The following ADGRG1 variants were observed in gnomAD, a reference collection of about 807,000 sequenced individuals.
ADGRG1 encodes the protein 7-transmembrane protein with no EGF-like N-terminal domains-1.
ADGRG1 carries 53 observed loss-of-function variants against 73.5 expected under a neutral mutation model. The observed-to-expected ratio is 0.72, with a 90% CI of 0.58 to 0.91. The LOEUF is 0.91. Ranked by LOEUF, ADGRG1 falls within the 40% of genes least tolerant of loss-of-function variation. The pLI, the probability that ADGRG1 is intolerant of heterozygous loss-of-function variation, is 0.00. For missense variants in ADGRG1, 795 were observed against 871.8 expected (o/e 0.91, Z 1.11); for synonymous variants, 394 against 374.4 (o/e 1.05, Z -0.60).
At chr16:57,645,288 C>T (rs1221067136) in intron 1 of ADGRG1, 2 of 985,462 alleles carry the variant, frequency 2.0e-6, no homozygotes, top group African/African-American at 3.5e-5. Flanking sequence ...AAGGGGAAGG[C>T]CTCCAGGTGG....
chr16:57,645,093 CAGG>C (rs1266207507), intron 1 of ADGRG1: 48 of 985,420 alleles, frequency 4.9e-5, no homozygotes, highest in Admixed American at 4.3e-4. Flanking sequence ...GTGTAACTCG[CAGG>C]AGTTCATCCT....
chr16:57,628,890 G>GTGTGCGTA (rs2036559461), intron 1 of ADGRG1, 88 bp downstream of exon 1: 1 of 839,622 alleles, frequency 1.2e-6, no homozygotes, highest in Non-Finnish European at 1.4e-6. Flanking sequence ...GTGTGAGAGT[G>GTGTGCGTA]TGAGTGTGTG....
intron 3 of ADGRG1, chr16:57,652,130 G>A: frequency 9.6e-7 from 1 of 1,039,366 alleles, no homozygotes; most frequent in Non-Finnish European, 1.2e-6. Flanking sequence ...TTGGAGTGGG[G>A]TAGGGGTGAG....
upstream of ADGRG1, chr16:57,624,650 A>C (rs2035490298): frequency 1.2e-6 from 1 of 803,894 alleles, no homozygotes; most frequent in Non-Finnish European, 1.5e-6. Context: ...AAGGGGCTGA[A>C]GACCTCCTCC....
chr16:57,624,097 A>G, upstream of ADGRG1: 2 of 536,922 alleles, frequency 3.7e-6, no homozygotes, highest in Non-Finnish European at 4.8e-6. Flanking sequence ...ATGTTGGCCA[A>G]GATTTATTGA....
chr16:57,631,514 C>T (rs1295100542), intron 1 of ADGRG1: 2 of 985,426 alleles, frequency 2.0e-6, no homozygotes, highest in Non-Finnish European at 2.4e-6. Context: ...GCCCCAAACC[C>T]CAGCACCACC....
chr16:57,653,228 T>C lies in ADGRG1; in HGVS notation c.513T>C (p.Asn171=). 1 of 1,611,636 alleles carries C rather than the reference T, an allele frequency of 6.2e-7. No homozygotes were observed. Among genetic ancestry groups the C allele is most frequent in the Non-Finnish European group, 8.5e-7 (1 of 1,179,904 alleles). Residue 171 remains asparagine, a synonymous_variant, in exon 4 of 14, where the codon AAT becomes AAC. Coordinates refer to ENST00000562631, the MANE Select transcript of ADGRG1 (RefSeq NM_201525.4). ...GTCCTCCCCACACGGCCGCTCACAATGCCTCGGTGGACATGTGCGAGCTCA... is the reference window on the plus strand; with the variant it reads ...GTCCTCCCCACACGGCCGCTCACAACGCCTCGGTGGACATGTGCGAGCTCA... The part of the protein sequence containing the change: ...FHSPPHTAAH[N]ASVDMCELKR...
intron 4 of ADGRG1, 27 bp downstream of exon 4, chr16:57,653,362 G>T: frequency 6.2e-7 from 1 of 1,603,942 alleles, no homozygotes. Context: ...GGGCTGTGAG[G>T]GGAGGCAGGA....
chr16:57,645,016 GCACACACTCAT>G lies in ADGRG1; in HGVS notation c.-35-5225_-35-5215del, dbSNP rs535641589. 913 of 934,914 alleles carry G rather than the reference GCACACACTCAT, an allele frequency of 9.8e-4. 8 individuals are homozygous for G. The African/African-American group carries it at 0.015, about 15-fold the overall frequency. 57.9% of individuals were successfully genotyped at this position (934,914 alleles called of 1,614,324 possible). ...CACACATGCACACTCATGCATGGGC[GCACACACTCAT>G]CACACACTCATGCACATACACACAC... On this transcript the variant is annotated intron_variant, in intron 1 of 13. Transcript: ENST00000562631.
chr16:57,654,407 G>GCC (rs1179613719), intron 5 of ADGRG1, among the ~76,000 whole-genome samples: 17 of 123,098 alleles, frequency 1.4e-4, no homozygotes, highest in Non-Finnish European at 2.4e-4. Flanking sequence ...GCCTGTCCAC[G>GCC]CACCCCCCCC....
rs2046769006 is a variant in ADGRG1, at chr16:57,660,289, C to T, written c.1556-479C>T. Reference sequence around the variant, plus strand: ...TCATTGGGCCCCTTCTTTGTCCATTCCCCCATTTGCATGAAATTCCTTTGG... The same window carrying T: ...TCATTGGGCCCCTTCTTTGTCCATTTCCCCATTTGCATGAAATTCCTTTGG... On this transcript the variant is annotated intron_variant, in intron 11 of 13. Transcript: ENST00000562631. 2.5e-5 allele frequency: 25 copies of T among 985,002 alleles called. No individual in the cohort carries two copies. In the South Asian group the frequency reaches 1.0e-3, roughly 41 times the overall value. The allele number at this position is 985,002 out of a possible 1,614,324, so 61.0% of individuals were successfully genotyped here. A position where few individuals can be genotyped will look rare whatever the true frequency, so the allele number is the denominator to read the frequency against.
chr16:57,632,971 G>A (rs1220847654), intron 1 of ADGRG1: 1 of 984,684 alleles, frequency 1.0e-6, no homozygotes, highest in Non-Finnish European at 1.2e-6. Context: ...CAGTGAGATA[G>A]AGAGCCGCCT....
intron 13 of ADGRG1, chr16:57,663,226 T>C: frequency 1.2e-6 from 1 of 807,758 alleles, no homozygotes; most frequent in Non-Finnish European, 1.5e-6. Context: ...TAGTAATGAA[T>C]AGGATGGGCC....
chr16:57,625,581 C>G, upstream of ADGRG1: 1 of 984,464 alleles, frequency 1.0e-6, no homozygotes, highest in Non-Finnish European at 1.2e-6. Flanking sequence ...ATTGCTGGTA[C>G]AAGTCCCTGG....
At chr16:57,635,250 G>A (rs577367828) in intron 1 of ADGRG1, 88 of 985,194 alleles carry the variant, frequency 8.9e-5, no homozygotes, top group South Asian at 7.5e-4. Flanking sequence ...AGAAACCCTC[G>A]TGCACAGCTT....
upstream of ADGRG1, chr16:57,623,249 G>A (rs2146991025): frequency 1.0e-6 from 1 of 985,040 alleles, no homozygotes; most frequent in Non-Finnish European, 1.2e-6. Context: ...GGGGTGGGGT[G>A]GATAGAGGCC....
At chr16:57,649,127 T>G (rs2043395292) in intron 1 of ADGRG1, among the ~76,000 whole-genome samples, 1 of 152,184 alleles carries the variant, frequency 6.6e-6, no homozygotes, top group Non-Finnish European at 1.5e-5. Flanking sequence ...TACCGAGTCC[T>G]TGTCCCCAGC....
Position 57,653,312 on chromosome 16 carries a change from G to A in ADGRG1, c.597G>A (p.Arg199=), listed in dbSNP as rs2044601997. Residue 199 remains arginine (R), a synonymous_variant, in exon 4 of 14, where the codon AGG becomes AGA. Transcript: ENST00000562631. ...FLKHPQKASR[R]PSAAPASQQL... Reference sequence around the variant, plus strand: ...AGCATCCCCAGAAGGCCTCAAGGAGGCCCTCGGCTGCCCCCGCCAGCCAGT... The same window carrying A: ...AGCATCCCCAGAAGGCCTCAAGGAGACCCTCGGCTGCCCCCGCCAGCCAGT... 1 of 1,610,214 alleles carries A rather than the reference G, an allele frequency of 6.2e-7. No homozygotes were observed. The highest frequency in any genetic ancestry group is 1.7e-5 in the Admixed American group (1 of 59,968).
intron 1 of ADGRG1, chr16:57,637,246 C>T (rs921359072): frequency 7.0e-5 from 64 of 912,056 alleles, no homozygotes; most frequent in African/African-American, 1.1e-4. Context: ...GTCCCCGCCC[C>T]GACCCTGGTC....
Sources: allele counts gnomAD v4.1 joint callset (sites outside exome capture counted in the v4.1 genomes callset), GRCh38; gene constraint gnomAD v4.1.1; transcripts MANE v1.5; gene names NCBI Gene and HGNC (gene_info 2026-07-23, HGNC 2026-07-21).